GRHL2: variants seen among roughly 807,000 people sequenced by gnomAD.
GRHL2 encodes the protein grainyhead like transcription factor 2, also known as grainyhead-like protein 2 homolog.
In GRHL2, 21 loss-of-function variants were observed where a neutral mutation model predicts 83.8. The ratio of observed to expected loss-of-function variants is 0.25; its 90% CI spans 0.18 to 0.36. The LOEUF is 0.36. Ranked by LOEUF, GRHL2 falls within the 10% of genes least tolerant of loss-of-function variation. GRHL2 has a pLI of 1.00. For synonymous variants in GRHL2, 280 were observed against 278.9 expected, an observed-to-expected ratio of 1.00 and a Z score of -0.04; for missense variants, 623 against 781.8, an observed-to-expected ratio of 0.80 and a Z score of 2.42.
intron 14 of GRHL2, among the ~76,000 whole-genome samples, chr8:101,656,917 G>T (rs182312007): frequency 2.6e-5 from 3 of 115,376 alleles, no homozygotes; most frequent in Non-Finnish European, 1.8e-5. Context: ...GGCAATGACC[G>T]TGAGTGCTAT....
chr8:101,638,050 A>G lies in GRHL2; in HGVS notation c.1517+1122A>G, dbSNP rs952508456. Reference sequence around the variant, plus strand: ...TGGGAGATTTCTTCTTAGGACCTGGATGCTATTTTATACTCAAAGCAATCT... The same window carrying G: ...TGGGAGATTTCTTCTTAGGACCTGGGTGCTATTTTATACTCAAAGCAATCT... On this transcript the variant is annotated intron_variant, in intron 12 of 15. Coordinates refer to ENST00000646743, the MANE Select transcript of GRHL2 (RefSeq NM_024915.4). 3.9e-5 allele frequency among the ~76,000 whole-genome samples: 6 copies of G among 152,184 alleles called. 1 individual carries two copies. The highest frequency in any genetic ancestry group is 1.4e-4 in the African/African-American group (6 of 41,448).
At chr8:101,670,922 G>A (rs997985695), downstream of GRHL2, among the ~76,000 whole-genome samples, 4 of 152,192 alleles carry the variant, frequency 2.6e-5, no homozygotes, top group African/African-American at 9.7e-5. Context: ...AGGAGGTGGG[G>A]TGCAAAAGGA....
chr8:101,507,709 G>C (rs925759654), intron 1 of GRHL2, among the ~76,000 whole-genome samples: 9 of 136,378 alleles, frequency 6.6e-5, no homozygotes, highest in African/African-American at 2.2e-4. Context: ...TTTCTCCTTT[G>C]TTGTATATTT....
chr8:101,641,655 G>T (rs184143524), intron 12 of GRHL2, among the ~76,000 whole-genome samples: 38 of 152,238 alleles, frequency 2.5e-4, no homozygotes, highest in Non-Finnish European at 3.7e-4. Context: ...GTGCTGCCGG[G>T]CCTAGAATCA....
chr8:101,622,737 A>G (rs1271756129), intron 9 of GRHL2, among the ~76,000 whole-genome samples: 1 of 152,188 alleles, frequency 6.6e-6, no homozygotes, highest in Non-Finnish European at 1.5e-5. Flanking sequence ...ATTTGGTTAC[A>G]TGAGTAAGCT....
At position 101,667,378 on chromosome 8, in the gene GRHL2, TG is replaced by T; in HGVS notation, c.*677del. ...ATATTGTAATAATATATTTTACCTG[TG>T]GTATGTGGGCATGTTTACTGCCACT... On this transcript the variant is annotated 3_prime_UTR_variant, in exon 16 of 16. Transcript: ENST00000646743. 1 of 154,176 alleles carries T rather than the reference TG, an allele frequency of 6.5e-6. No homozygotes were observed. Among genetic ancestry groups the T allele is most frequent in the Non-Finnish European group, 1.4e-5 (1 of 69,064 alleles). The allele number at this position is 154,176 out of a possible 1,614,324, so 9.6% of individuals were successfully genotyped here.
intron 1 of GRHL2, among the ~76,000 whole-genome samples, chr8:101,514,794 GCT>G (rs1411962870): frequency 1.3e-5 from 2 of 152,122 alleles, no homozygotes; most frequent in African/African-American, 4.8e-5. Flanking sequence ...TTAGGATGGG[GCT>G]CTCTGTTTGA....
chr8:101,663,728 C>T (rs577897603), intron 14 of GRHL2, among the ~76,000 whole-genome samples: 1 of 151,726 alleles, frequency 6.6e-6, no homozygotes, highest in Non-Finnish European at 1.5e-5. Context: ...TGCTCATTGT[C>T]CAATTATTTT....
At position 101,590,508 on chromosome 8, in the gene GRHL2, C is replaced by T. The variant is rs181429127; in HGVS notation, c.1004-8549C>T. On this transcript the variant is annotated intron_variant, in intron 7 of 15. Transcript: ENST00000646743. Reference sequence around the variant, plus strand: ...GCAAAGTGGAGACAAGTATTGGTCCCACCTTCCACTATGAGACTAGCAGGG... The same window carrying T: ...GCAAAGTGGAGACAAGTATTGGTCCTACCTTCCACTATGAGACTAGCAGGG... 5.9e-5 allele frequency among the ~76,000 whole-genome samples: 9 copies of T among 152,280 alleles called. No individual in the cohort carries two copies. In the East Asian group the frequency reaches 9.7e-4, roughly 16 times the overall value.
intron 8 of GRHL2, among the ~76,000 whole-genome samples, chr8:101,602,562 A>G (rs1812538964): frequency 6.6e-6 from 1 of 152,156 alleles, no homozygotes; most frequent in Non-Finnish European, 1.5e-5. Context: ...TAGAATTTTA[A>G]CTTTTTTTTG....
chr8:101,612,078 C>T (rs1353177601), intron 8 of GRHL2, among the ~76,000 whole-genome samples: 2 of 150,932 alleles, frequency 1.3e-5, no homozygotes, highest in Non-Finnish European at 2.9e-5. Flanking sequence ...AAACCTCTGC[C>T]TCCCAGGTTC....
At chr8:101,665,234 G>C (rs78951146) in intron 15 of GRHL2, among the ~76,000 whole-genome samples, 1 of 152,152 alleles carries the variant, frequency 6.6e-6, no homozygotes, top group Non-Finnish European at 1.5e-5. Flanking sequence ...ACGTTCTGCC[G>C]TCTGACTTTC....
chr8:101,494,090 C>G (rs191677533), intron 1 of GRHL2, among the ~76,000 whole-genome samples: 3 of 152,252 alleles, frequency 2.0e-5, no homozygotes, highest in Non-Finnish European at 4.4e-5. Flanking sequence ...GTAACTTTGC[C>G]GTGGCGTTGC....
chr8:101,677,834 C>G, the GRHL2 span, among the ~76,000 whole-genome samples: 1 of 152,022 alleles, frequency 6.6e-6, no homozygotes, highest in African/African-American at 2.4e-5. Flanking sequence ...GACCTAAGTC[C>G]TGGACATGTG....
chr8:101,581,024 C>T (rs1264584612), intron 7 of GRHL2, among the ~76,000 whole-genome samples: 2 of 152,138 alleles, frequency 1.3e-5, no homozygotes, highest in African/African-American at 2.4e-5. Context: ...AACAATTATT[C>T]GAAGCCCTCT....
intron 1 of GRHL2, among the ~76,000 whole-genome samples, chr8:101,504,636 G>A (rs1810298728): frequency 6.6e-6 from 1 of 151,782 alleles, no homozygotes; most frequent in Non-Finnish European, 1.5e-5. Context: ...AGGCAAGGTC[G>A]GGTTTTTTTT....
At chr8:101,516,043 G>A (rs748313519) in intron 1 of GRHL2, among the ~76,000 whole-genome samples, 22 of 152,144 alleles carry the variant, frequency 1.4e-4, no homozygotes, top group Non-Finnish European at 2.5e-4. Flanking sequence ...CCTGTGGTCT[G>A]ACTCTGTGGT....
chr8:101,612,516 G>GATACATAT lies in GRHL2; in HGVS notation c.1099-7020_1099-7019insCATATATA, dbSNP rs1176645578. Among the ~76,000 whole-genome samples the GATACATAT allele has an allele frequency of 5.0e-5, 4 of 79,818 alleles. No individual in the cohort carries two copies. The East Asian group carries it at 1.2e-3, about 24-fold the overall frequency. 52.4% of individuals were successfully genotyped at this position (79,818 alleles called of 152,430 possible). A position where few individuals can be genotyped will look rare whatever the true frequency, so the allele number is the denominator to read the frequency against. On this transcript the variant is annotated intron_variant, in intron 8 of 15. Coordinates refer to ENST00000646743, the MANE Select transcript of GRHL2 (RefSeq NM_024915.4). Reference sequence around the variant, plus strand: ...AGATAGATAGATAGATAGATAGATAGATAGATACATACATACATACATACA... The same window carrying GATACATAT: ...AGATAGATAGATAGATAGATAGATAGATACATATATAGATACATACATACATACATACA...
chr8:101,619,711 A>T lies in GRHL2; in HGVS notation c.1257+14A>T. 1 of 1,597,916 alleles carries T rather than the reference A, an allele frequency of 6.3e-7. No homozygotes were observed. Among genetic ancestry groups the T allele is most frequent in the Non-Finnish European group, 8.6e-7 (1 of 1,165,598 alleles). On this transcript the variant is annotated intron_variant, in intron 9 of 15. Transcript: ENST00000646743. ...TTCTGTGACAAAGTGAGTAAAGATG[A>T]CAGTTTTTTATAAAGGTATCTTTTT...
Sources: gnomAD v4.1 joint callset for allele counts (sites outside exome capture counted in the v4.1 genomes callset) on GRCh38, gnomAD v4.1.1 for gene constraint, MANE v1.5 for transcripts, NCBI Gene and HGNC (gene_info 2026-07-23, HGNC 2026-07-21) for gene names.